DENND3: variants seen among roughly 807,000 people sequenced by gnomAD.
The protein encoded by DENND3 is DENN domain containing 3, also known as DENN domain-containing protein 3.
In DENND3, 88 loss-of-function variants were observed where a neutral mutation model predicts 135.1. The ratio of observed to expected loss-of-function variants is 0.65; its 90% CI spans 0.55 to 0.78. DENND3 has a LOEUF of 0.78. Among genes scored for constraint, DENND3 ranks in the 30% least tolerant of loss-of-function variants. DENND3 has a pLI of 0.00. For missense variants in DENND3, 1,392 were observed against 1,688.4 expected, an observed-to-expected ratio of 0.82 and a Z score of 3.08; for synonymous variants, 693 against 712.3, an observed-to-expected ratio of 0.97 and a Z score of 0.43.
intron 8 of DENND3, chr8:141,157,510 C>A (rs1207296779): frequency 1.0e-5 from 10 of 985,634 alleles, no homozygotes; most frequent in East Asian, 1.1e-4. Context: ...GGGAGGGGAG[C>A]GCTTAGGCTT....
rs1422288937 is a variant in DENND3 at position 141,151,830 on chromosome 8, T to A, written c.1067T>A (p.Val356Asp). Residue 356 changes from valine (V) to aspartate (D), a missense_variant, in exon 7 of 23, where the codon GTC becomes GAC. Physicochemically the swap from Val to Asp is radical, Grantham distance 152 (BLOSUM62 -3). Coordinates refer to ENST00000519811, the MANE Select transcript of DENND3 (RefSeq NM_001352890.3). The stretch of plus-strand genomic sequence containing the variant: ...TGCCATCTCGACCACTTCGAAGAAG[T>A]CAGCAAGGTTAGGTAGCGAACCTTT... The part of the protein sequence containing the change: ...MGCHLDHFEE[V>D]SKEADGLVLI... The A allele has an allele frequency of 6.2e-7, 1 of 1,613,962 alleles. No individual in the cohort carries two copies. The highest frequency in any genetic ancestry group is 1.3e-5 in the African/African-American group (1 of 74,918).
chr8:141,141,484 G>GAGAACTGCCCC lies in DENND3; in HGVS notation c.623+160_623+161insAGAACTGCCCC. 1.2e-6 allele frequency: 1 copy of GAGAACTGCCCC among 819,040 alleles called. No homozygotes were observed. 50.7% of individuals were successfully genotyped at this position (819,040 alleles called of 1,614,324 possible). ...GGCGCTGGGGGCAGTAGGAGGGGCA[G>GAGAACTGCCCC]TTCTCTGTGCCTCTTAGGCTGTTGC... On this transcript the variant is annotated intron_variant, in intron 4 of 22. Coordinates refer to ENST00000519811, the MANE Select transcript of DENND3 (RefSeq NM_001352890.3). This position sits in a 1 kb window ranked among gnomAD's most constrained non-coding sequence, Gnocchi z 5.3.
chr8:141,178,320 AT>A, intron 16 of DENND3, 124 bp downstream of exon 16: 1 of 1,377,236 alleles, frequency 7.3e-7, no homozygotes, highest in Non-Finnish European at 9.7e-7. Context: ...TTTCTTTTAT[AT>A]TTGTAATTTA....
chr8:141,149,246 C>T (rs307754), intron 5 of DENND3, among the ~76,000 whole-genome samples: 1 of 152,062 alleles, frequency 6.6e-6, no homozygotes, highest in Non-Finnish European at 1.5e-5. Flanking sequence ...TGCTTCTGTA[C>T]ACAAATTGGT....
chr8:141,137,596 G>A lies in DENND3; in HGVS notation c.386-426G>A, dbSNP rs1263428867. Among the ~76,000 whole-genome samples the A allele has an allele frequency of 6.6e-6, 1 of 152,232 alleles. No individual in the cohort carries two copies. Among genetic ancestry groups the A allele is most frequent in the African/African-American group, 2.4e-5 (1 of 41,462 alleles). Reference sequence around the variant, plus strand: ...TTAGTCCCCAGGCTCGCCAGTTCCAGTTAACAGGTGAGCTTGCATTTTGGG... The same window carrying A: ...TTAGTCCCCAGGCTCGCCAGTTCCAATTAACAGGTGAGCTTGCATTTTGGG... On this transcript the variant is annotated intron_variant, in intron 2 of 22. Transcript: ENST00000519811. This position sits in a 1 kb window ranked among gnomAD's most constrained non-coding sequence, Gnocchi z 4.1.
At chr8:141,163,629 C>T (rs1430622761) in intron 10 of DENND3, among the ~76,000 whole-genome samples, 200 bp downstream of exon 10, 2 of 151,992 alleles carry the variant, frequency 1.3e-5, no homozygotes, top group African/African-American at 2.4e-5. Flanking sequence ...TACTTGTGGC[C>T]AGGCACAGTG....
rs530334067 is a variant in DENND3 at position 141,175,242 on chromosome 8, A to C, written c.2318A>C (p.Tyr773Ser). 1 of 1,614,204 alleles carries C rather than the reference A, an allele frequency of 6.2e-7. No homozygotes were observed. The highest frequency in any genetic ancestry group is 1.1e-5 in the South Asian group (1 of 91,074). The change falls in exon 14 of 23, where the codon TAC (tyrosine) becomes TCC (serine). Residue 773 changes from tyrosine (Y) to serine (S), a missense_variant. Transcript: ENST00000519811. The surrounding 1 kb of genome is among the most constrained non-coding windows in gnomAD (Gnocchi z 5.4). ...QIDPETFKDF[Y>S]NCWKETEAEA... ...GACCCAGAAACATTCAAAGATTTCT[A>C]CAACTGCTGGAAGGAGACGGAAGCA... is the stretch of plus-strand genomic sequence containing the variant.
Position 141,195,241 on chromosome 8 carries a change from G to A in DENND3, c.*1008G>A, listed in dbSNP as rs184859224. Reference sequence around the variant, plus strand: ...AGACTTCATTACTTAAATGTTCTACGGAAGGTTCTGGTGTGGTTGTTGGAG... The same window carrying A: ...AGACTTCATTACTTAAATGTTCTACAGAAGGTTCTGGTGTGGTTGTTGGAG... On this transcript the variant is annotated 3_prime_UTR_variant, in exon 23 of 23. Coordinates refer to ENST00000519811, the MANE Select transcript of DENND3 (RefSeq NM_001352890.3). 2.0e-5 allele frequency: 3 copies of A among 152,470 alleles called. No homozygotes were observed. The highest frequency in any genetic ancestry group is 6.5e-5 in the Admixed American group (1 of 15,312). 9.4% of individuals were successfully genotyped at this position (152,470 alleles called of 1,614,324 possible).
At chr8:141,185,320 G>A (rs748524871) in intron 18 of DENND3, 42 bp downstream of exon 18, 12 of 1,611,248 alleles carry the variant, frequency 7.4e-6, no homozygotes, top group African/African-American at 1.3e-5. Context: ...CTGAATTCAC[G>A]TGATTTCTGA....
rs144082723 is a variant in DENND3, at chr8:141,136,755, G to A, written c.349G>A (p.Val117Met). 4.6e-4 allele frequency: 740 copies of A among 1,594,242 alleles called. 4 individuals carry two copies. The African/African-American group carries it at 9.0e-3, about 19-fold the overall frequency. The stretch of plus-strand genomic sequence containing the variant: ...TGAGGATGTCGCCGTCCCGGGCGGC[G>A]TGGACCTCCTCACCCTGCCGCAGCT... ...EPEDVAVPGGVDLLTLPQLCF... is the reference protein window; with the variant it reads ...EPEDVAVPGGMDLLTLPQLCF... Residue 117 changes from valine (V) to methionine (M), a missense_variant, in exon 2 of 23, where the codon GTG (valine) becomes ATG (methionine). Val to Met is a conservative substitution (Grantham distance 21). Coordinates refer to ENST00000519811, the MANE Select transcript of DENND3 (RefSeq NM_001352890.3).
At position 141,185,207 on chromosome 8, in the gene DENND3, A is replaced by G. The variant is rs144243049; in HGVS notation, c.3013A>G (p.Lys1005Glu). 3.1e-6 allele frequency: 5 copies of G among 1,614,134 alleles called. No homozygotes were observed. The African/African-American group carries it at 6.7e-5, about 22-fold the overall frequency. ...GTTATGGTGTGCTCTGAGCGAAGGC[A>G]AGGTGACCGTGTTCAATGCTTCTTC... Reference protein sequence around the residue: ...PKLWCALSEGKVTVFNASSWT... With the variant: ...PKLWCALSEGEVTVFNASSWT... Residue 1005 changes from lysine (K) to glutamate (E), a missense_variant, in exon 18 of 23, where the codon AAG becomes GAG. By Grantham distance (56) the Lys-to-Glu change is moderately conservative. Transcript: ENST00000519811.
At position 141,141,815 on chromosome 8, in the gene DENND3, G is replaced by A; in HGVS notation, c.623+491G>A. 5.2e-6 allele frequency: 1 copy of A among 192,160 alleles called. No individual in the cohort carries two copies. The highest frequency in any genetic ancestry group is 8.1e-5 in the South Asian group (1 of 12,286). 11.9% of individuals were successfully genotyped at this position (192,160 alleles called of 1,614,324 possible). On this transcript the variant is annotated intron_variant, in intron 4 of 22. Transcript: ENST00000519811. The surrounding 1 kb of genome is among the most constrained non-coding windows in gnomAD (Gnocchi z 5.3). ...CCCAGCATATTGGGAGACTAAGATG[G>A]GAGGACTGCTTGAGCCGAGGGGTTT...
chr8:141,136,178 G>T (rs1372499495), intron 1 of DENND3, among the ~76,000 whole-genome samples: 1 of 152,230 alleles, frequency 6.6e-6, no homozygotes, highest in Non-Finnish European at 1.5e-5. Flanking sequence ...CTGTCAGGAG[G>T]TGGAGGCACA....
rs993041642 is a variant in DENND3 at position 141,174,690 on chromosome 8, A to G, written c.2276-510A>G. On this transcript the variant is annotated intron_variant, in intron 13 of 22. Transcript: ENST00000519811. The surrounding 1 kb of genome is among the most constrained non-coding windows in gnomAD (Gnocchi z 4.6). ...CAACAAAAGTCAATGATTTGCTGGT[A>G]ACCAAAGAGTGTGGAGGTCGGGCCA... 6.6e-6 allele frequency among the ~76,000 whole-genome samples: 1 copy of G among 152,136 alleles called. No individual in the cohort carries two copies. The highest frequency in any genetic ancestry group is 6.5e-5 in the Admixed American group (1 of 15,276).
Position 141,174,368 on chromosome 8 carries a change from G to C in DENND3, c.2276-832G>C, listed in dbSNP as rs1023145440. The stretch of plus-strand genomic sequence containing the variant: ...GGAGGGTTTTCCTGTGCAGAACTGA[G>C]GGGGACTTGCTGCACGTCAGGGGAC... On this transcript the variant is annotated intron_variant, in intron 13 of 22. Coordinates refer to ENST00000519811, the MANE Select transcript of DENND3 (RefSeq NM_001352890.3). The surrounding 1 kb of genome is among the most constrained non-coding windows in gnomAD (Gnocchi z 4.6). Among the ~76,000 whole-genome samples the C allele has an allele frequency of 6.6e-6, 1 of 152,158 alleles. No homozygotes were observed. The highest frequency in any genetic ancestry group is 1.5e-5 in the Non-Finnish European group (1 of 68,018).
At position 141,163,369 on chromosome 8, in the gene DENND3, C is replaced by CTT; in HGVS notation, c.1391_1392dup (p.Asn465LeufsTer22). On this transcript the variant is annotated frameshift_variant, in exon 10 of 23. Transcript: ENST00000519811. LOFTEE classifies it high-confidence loss of function. ...ATCATTTAAACTATGAACACAGAGT[C>CTT]TTTAATAGTGAAGAATTTCTCAAAA... 6.2e-7 allele frequency: 1 copy of CTT among 1,612,630 alleles called. No homozygotes were observed. The highest frequency in any genetic ancestry group is 1.1e-5 in the South Asian group (1 of 90,996).
chr8:141,177,016 C>T (rs1294423025), intron 15 of DENND3: 2 of 463,836 alleles, frequency 4.3e-6, no homozygotes, highest in African/African-American at 2.0e-5. Flanking sequence ...TGTGGGTGCC[C>T]CACTGCCCGC....
At position 141,139,573 on chromosome 8, in the gene DENND3, C is replaced by T. The variant is rs902046056; in HGVS notation, c.501+1436C>T. Among the ~76,000 whole-genome samples, 4 of 152,182 alleles carry T rather than the reference C, an allele frequency of 2.6e-5. No homozygotes were observed. Among genetic ancestry groups the T allele is most frequent in the South Asian group, 2.1e-4 (1 of 4,836 alleles). Reference sequence around the variant, plus strand: ...GGGATGAGAGGAAGGTGCCCCTCCACGTAGCCAGTGTTCCAGATGAGAAAG... The same window carrying T: ...GGGATGAGAGGAAGGTGCCCCTCCATGTAGCCAGTGTTCCAGATGAGAAAG... On this transcript the variant is annotated intron_variant, in intron 3 of 22. Transcript: ENST00000519811. The surrounding 1 kb of genome is among the most constrained non-coding windows in gnomAD (Gnocchi z 4.2).
At chr8:141,186,536 C>A (rs1273772113) in intron 18 of DENND3, among the ~76,000 whole-genome samples, 1 of 152,148 alleles carries the variant, frequency 6.6e-6, no homozygotes, top group African/African-American at 2.4e-5. Flanking sequence ...AATCTTTTTC[C>A]TTCTAGCTCA....
Sources: gnomAD v4.1 joint callset for allele counts (sites outside exome capture counted in the v4.1 genomes callset) on GRCh38, gnomAD v4.1.1 for gene constraint, Gnocchi (gnomAD v3.1) non-coding constraint, MANE v1.5 for transcripts, NCBI Gene and HGNC (gene_info 2026-07-23, HGNC 2026-07-21) for gene names.